Variants in GDAP1 observed in about 807,000 individuals in gnomAD.
GDAP1 encodes ganglioside-induced differentiation-associated protein 1.
GDAP1 carries 34 observed loss-of-function variants against 40.1 expected under a neutral mutation model. The ratio of observed to expected loss-of-function variants is 0.85; its 90% CI spans 0.64 to 1.13. The LOEUF (loss-of-function observed/expected upper bound fraction) is 1.13, where lower values mean the gene tolerates loss of function less well. GDAP1 is among the 50% of genes most tolerant of loss of function. The pLI, the probability that GDAP1 is intolerant of heterozygous loss-of-function variation, is 0.00. For missense variants in GDAP1, 374 were observed against 433.7 expected (o/e 0.86, Z 1.22); for synonymous variants, 170 against 157.4 (o/e 1.08, Z -0.60).
chr8:74,467,049 A>C (rs1350872955), intron 2 of GDAP1, among the ~76,000 whole-genome samples: 1 of 152,196 alleles, frequency 6.6e-6, no homozygotes, highest in Non-Finnish European at 1.5e-5. Flanking sequence ...AAAAGAGTAG[A>C]GGATATGGGG....
chr8:74,393,883 T>G (rs906558529), intron 2 of GDAP1, among the ~76,000 whole-genome samples: 10 of 152,164 alleles, frequency 6.6e-5, no homozygotes, highest in Admixed American at 3.3e-4. Context: ...CTGAAGGTGG[T>G]AGACACTGTT....
At chr8:74,357,400 C>T (rs1180329243) in intron 2 of GDAP1, among the ~76,000 whole-genome samples, 1 of 152,166 alleles carries the variant, frequency 6.6e-6, no homozygotes, top group Non-Finnish European at 1.5e-5. Context: ...AAAAATGGCT[C>T]AGAGCCATTG....
At chr8:74,427,616 C>T (rs1805963717) in intron 2 of GDAP1, among the ~76,000 whole-genome samples, 1 of 151,996 alleles carries the variant, frequency 6.6e-6, no homozygotes, top group Non-Finnish European at 1.5e-5. Flanking sequence ...GTCTTTGTAC[C>T]CTGAGAGGCT....
At position 74,409,649 on chromosome 8, in the gene GDAP1, G is replaced by C. The variant is rs569565208; in HGVS notation, c.165+58328G>C. On this transcript the variant is annotated intron_variant, in intron 2 of 2. Coordinates refer to the GDAP1 transcript ENST00000523640. ...ATTATAGGCGTGAGCCACCGCACCT[G>C]ACCCTCAGTTCCTTTCTCAGGAAAT... 2.1e-4 allele frequency among the ~76,000 whole-genome samples: 31 copies of C among 150,052 alleles called. 4 individuals carry two copies. The highest frequency in any genetic ancestry group is 7.9e-4 in the African/African-American group (31 of 39,432).
intron 2 of GDAP1, among the ~76,000 whole-genome samples, chr8:74,394,102 G>A (rs923430988): frequency 6.6e-6 from 1 of 152,164 alleles, no homozygotes; most frequent in Non-Finnish European, 1.5e-5. Context: ...CCACATGGCT[G>A]GGGAGGCTTC....
chr8:74,464,645 C>T lies in GDAP1; in HGVS notation c.166-24033C>T, dbSNP rs1806445390. Among the ~76,000 whole-genome samples, 2 of 152,116 alleles carry T rather than the reference C, an allele frequency of 1.3e-5. 1 individual carries two copies. Among genetic ancestry groups the T allele is most frequent in the African/African-American group, 4.8e-5 (2 of 41,416 alleles). ...TTTTGTGCACACTTCCAGATGGAGC[C>T]CCTAATATGCTGTCTTGGCAGGATG... is the stretch of plus-strand genomic sequence containing the variant. On this transcript the variant is annotated intron_variant, in intron 2 of 2. Transcript: ENST00000523640.
At chr8:74,443,992 A>G (rs1024532784) in intron 2 of GDAP1, among the ~76,000 whole-genome samples, 11 of 140,964 alleles carry the variant, frequency 7.8e-5, no homozygotes, top group Non-Finnish European at 1.5e-4. Context: ...CTATCTATCT[A>G]TCTATCTATC....
chr8:74,469,321 A>G (rs191427182), intron 2 of GDAP1, among the ~76,000 whole-genome samples: 3 of 152,276 alleles, frequency 2.0e-5, no homozygotes, highest in East Asian at 3.9e-4. Flanking sequence ...CTGAAACAGT[A>G]TATATGCAAT....
At chr8:74,477,581 G>A (rs1806647277) in intron 2 of GDAP1, among the ~76,000 whole-genome samples, 1 of 152,090 alleles carries the variant, frequency 6.6e-6, no homozygotes, top group Admixed American at 6.6e-5. Context: ...GGACTCCTAG[G>A]CTGTATTCTC....
At chr8:74,401,823 A>T (rs1810346880) in intron 2 of GDAP1, among the ~76,000 whole-genome samples, 1 of 150,102 alleles carries the variant, frequency 6.7e-6, no homozygotes, top group South Asian at 2.1e-4. Context: ...GGTCCAGTCC[A>T]GACCCTGTTT....
intron 2 of GDAP1, among the ~76,000 whole-genome samples, chr8:74,414,753 A>G: frequency 6.7e-6 from 1 of 150,062 alleles, no homozygotes; most frequent in Non-Finnish European, 1.5e-5. Flanking sequence ...AGAATGCAAA[A>G]CTGAGTGAAG....
chr8:74,398,022 T>G lies in GDAP1; in HGVS notation c.165+46701T>G, dbSNP rs1248899109. Among the ~76,000 whole-genome samples the G allele has an allele frequency of 2.6e-5, 4 of 151,726 alleles. No individual in the cohort carries two copies. In the East Asian group the frequency reaches 7.7e-4, roughly 29 times the overall value. ...GTTCTTCCATTTGTTTGTATCCTCT[T>G]TTATTTCATTGAGTAGTGGTTTGTA... is the stretch of plus-strand genomic sequence containing the variant. On this transcript the variant is annotated intron_variant, in intron 2 of 2. Coordinates refer to the GDAP1 transcript ENST00000523640.
intron 2 of GDAP1, among the ~76,000 whole-genome samples, chr8:74,372,383 C>T (rs1414621595): frequency 6.6e-6 from 1 of 152,204 alleles, no homozygotes; most frequent in African/African-American, 2.4e-5. Context: ...GCAGTCCCAC[C>T]AACAGTGTAA....
chr8:74,385,547 A>G (rs1472571245), intron 2 of GDAP1, among the ~76,000 whole-genome samples: 1 of 152,150 alleles, frequency 6.6e-6, no homozygotes, highest in Non-Finnish European at 1.5e-5. Flanking sequence ...CATGGTGTAT[A>G]TGTGCCACAT....
chr8:74,406,860 A>G (rs1416610430), intron 2 of GDAP1, among the ~76,000 whole-genome samples: 1 of 149,908 alleles, frequency 6.7e-6, no homozygotes, highest in Non-Finnish European at 1.5e-5. Flanking sequence ...CATCTTCCAA[A>G]GCTAGAGGAG....
chr8:74,389,848 A>T (rs1399680503), intron 2 of GDAP1, among the ~76,000 whole-genome samples: 1 of 152,126 alleles, frequency 6.6e-6, no homozygotes, highest in East Asian at 1.9e-4. Context: ...ACATAGTCCC[A>T]TATTTCTTGT....
chr8:74,422,106 A>C (rs1420893477), intron 2 of GDAP1, among the ~76,000 whole-genome samples: 1 of 151,910 alleles, frequency 6.6e-6, no homozygotes, highest in Admixed American at 6.6e-5. Context: ...ACCAAAACAT[A>C]ATTAGCCTTT....
intron 1 of GDAP1, among the ~76,000 whole-genome samples, 163 bp downstream of exon 1, chr8:74,350,741 G>A (rs977551420): frequency 2.0e-5 from 3 of 152,238 alleles, no homozygotes; most frequent in Non-Finnish European, 4.4e-5. Context: ...CCCGGGTGGG[G>A]AGCGGGGAGA....
Position 74,404,870 on chromosome 8 carries a change from T to A in GDAP1, c.165+53549T>A, listed in dbSNP as rs1175831054. On this transcript the variant is annotated intron_variant, in intron 2 of 2. Transcript: ENST00000523640. ...GACCCTCCCTCAACCGCTGATACCA[T>A]AATTCAAAGATGCTCATGTCTTATA... 2.0e-5 allele frequency among the ~76,000 whole-genome samples: 3 copies of A among 149,994 alleles called. 1 individual carries two copies. The highest frequency in any genetic ancestry group is 7.6e-5 in the African/African-American group (3 of 39,302).
Sources: gnomAD v4.1 joint callset for allele counts (sites outside exome capture counted in the v4.1 genomes callset) on GRCh38, gnomAD v4.1.1 for gene constraint, MANE v1.5 for transcripts, NCBI Gene and HGNC (gene_info 2026-07-23, HGNC 2026-07-21) for gene names.